ANKFN1: variants seen among roughly 807,000 people sequenced by gnomAD.
ANKFN1 encodes ankyrin repeat and fibronectin type III domain containing 1.
Under a neutral mutation model 108.7 loss-of-function variants are expected in ANKFN1, and 74 were observed. The ratio of observed to expected loss-of-function variants is 0.68; its 90% confidence interval spans 0.56 to 0.83. ANKFN1 has a LOEUF of 0.83. ANKFN1 is among the 40% of genes least tolerant of loss of function. ANKFN1 has a pLI of 0.00. For missense variants in ANKFN1, 1,505 were observed against 1,382.3 expected, an observed-to-expected ratio of 1.09 and a Z score of -1.41; for synonymous variants, 547 against 516.2, an observed-to-expected ratio of 1.06 and a Z score of -0.81.
At chr17:56,359,273 A>C (rs2046452515) in intron 6 of ANKFN1, among the ~76,000 whole-genome samples, 1 of 152,160 alleles carries the variant, frequency 6.6e-6, no homozygotes, top group Non-Finnish European at 1.5e-5. Flanking sequence ...AGGGAAAAAA[A>C]CCTTCAAGTC....
At chr17:56,048,217 G>A (rs1904712950) in intron 4 of ANKFN1, among the ~76,000 whole-genome samples, 2 of 151,420 alleles carry the variant, frequency 1.3e-5, no homozygotes, top group South Asian at 4.2e-4. Context: ...AATCTGTTTA[G>A]CAATTGTTGG....
chr17:56,091,212 A>G (rs1176865107), intron 4 of ANKFN1, among the ~76,000 whole-genome samples: 1 of 151,208 alleles, frequency 6.6e-6, no homozygotes, highest in Non-Finnish European at 1.5e-5. Context: ...CCAGCAAAGA[A>G]GTTGGTAAAT....
chr17:56,234,565 A>G (rs545457755), intron 3 of ANKFN1, among the ~76,000 whole-genome samples: 7 of 152,134 alleles, frequency 4.6e-5, no homozygotes, highest in African/African-American at 1.7e-4. Context: ...ATAAGTTCTC[A>G]TCATTTAGCT....
At position 56,317,127 on chromosome 17, in the gene ANKFN1, C is replaced by A. The variant is rs914522762; in HGVS notation, c.54-9094C>A. ...TTTTTTTCTTTGTGGCAGAGAAGTT[C>A]TTCTATGTGTTAAGTGCTCTATGGC... On this transcript the variant is annotated intron_variant, in intron 3 of 20. Coordinates refer to ENST00000682825, the MANE Select transcript of ANKFN1 (RefSeq NM_001370326.1). 3.3e-5 allele frequency among the ~76,000 whole-genome samples: 5 copies of A among 152,204 alleles called. No individual in the cohort carries two copies. The East Asian group carries it at 9.6e-4, about 29-fold the overall frequency.
intron 16 of ANKFN1, among the ~76,000 whole-genome samples, chr17:56,480,395 A>G (rs570755511): frequency 1.6e-4 from 25 of 152,304 alleles, no homozygotes; most frequent in African/African-American, 6.0e-4. Context: ...TTATTACAAA[A>G]TATTTGAGAA....
intron 3 of ANKFN1, chr17:56,252,243 A>C: frequency 6.6e-6 from 1 of 152,216 alleles, no homozygotes; most frequent in African/African-American, 2.4e-5. Context: ...GAAGACCTGG[A>C]GGTAATAAAG....
At chr17:56,325,921 GT>G (rs1338421034) in intron 3 of ANKFN1, among the ~76,000 whole-genome samples, 1 of 152,152 alleles carries the variant, frequency 6.6e-6, no homozygotes, top group Non-Finnish European at 1.5e-5. Flanking sequence ...ATTCAGTCTT[GT>G]TTACTATGTA....
At chr17:56,157,843 A>G (rs1909257755) in intron 1 of ANKFN1, among the ~76,000 whole-genome samples, 2 of 152,208 alleles carry the variant, frequency 1.3e-5, no homozygotes, top group African/African-American at 4.8e-5. Flanking sequence ...TGGAATCCGA[A>G]TTTTAGCTTT....
At chr17:56,217,806 C>T (rs1191863913) in intron 2 of ANKFN1, among the ~76,000 whole-genome samples, 3 of 152,050 alleles carry the variant, frequency 2.0e-5, no homozygotes, top group East Asian at 1.9e-4. Context: ...ACTTGTCTTT[C>T]CCCAGTTAAG....
chr17:56,293,710 C>A (rs2044430709), intron 3 of ANKFN1, among the ~76,000 whole-genome samples: 1 of 152,208 alleles, frequency 6.6e-6, no homozygotes. Flanking sequence ...GAAAGACTTT[C>A]TACTCTGAGA....
intron 4 of ANKFN1, among the ~76,000 whole-genome samples, chr17:56,332,576 A>G (rs969505125): frequency 7.9e-5 from 12 of 152,142 alleles, no homozygotes; most frequent in Non-Finnish European, 1.3e-4. Flanking sequence ...TTACCTTGAC[A>G]TCTTTTTCAG....
chr17:56,197,483 C>T (rs1913630502), intron 1 of ANKFN1, among the ~76,000 whole-genome samples: 1 of 152,174 alleles, frequency 6.6e-6, no homozygotes, highest in Non-Finnish European at 1.5e-5. Context: ...CTAGTGTATT[C>T]CTTTGTGTCT....
chr17:56,064,809 G>A (rs931902771), intron 4 of ANKFN1, among the ~76,000 whole-genome samples: 8 of 152,228 alleles, frequency 5.3e-5, no homozygotes, highest in Admixed American at 4.6e-4. Flanking sequence ...AGGATGTTGA[G>A]ACTCTGTGCG....
At chr17:56,100,081 A>G (rs902652131) in intron 4 of ANKFN1, among the ~76,000 whole-genome samples, 1 of 152,256 alleles carries the variant, frequency 6.6e-6, no homozygotes, top group Non-Finnish European at 1.5e-5. Context: ...TGAACCCCAC[A>G]GGCACTAATA....
intron 3 of ANKFN1, among the ~76,000 whole-genome samples, chr17:56,281,295 C>A (rs1253153428): frequency 6.6e-5 from 10 of 152,058 alleles, no homozygotes; most frequent in Non-Finnish European, 1.5e-4. Context: ...GTGCCAAAAT[C>A]ATTCAATCAG....
intron 1 of ANKFN1, chr17:56,174,121 G>A (rs1478176666): frequency 1.1e-6 from 1 of 934,698 alleles, no homozygotes; most frequent in African/African-American, 1.8e-5. Flanking sequence ...TTGACATTGT[G>A]GGTGGTGCAG....
At chr17:56,262,957 A>G (rs2043556714) in intron 3 of ANKFN1, among the ~76,000 whole-genome samples, 1 of 152,172 alleles carries the variant, frequency 6.6e-6, no homozygotes, top group African/African-American at 2.4e-5. Flanking sequence ...AACATTAAGC[A>G]GCTCTTGGAA....
chr17:56,481,429 G>A (rs571828963), intron 17 of ANKFN1, among the ~76,000 whole-genome samples: 3 of 152,090 alleles, frequency 2.0e-5, no homozygotes, highest in South Asian at 2.1e-4. Flanking sequence ...ACATGAGGTA[G>A]CATTATTTAA....
chr17:56,434,375 T>C (rs950310313), intron 8 of ANKFN1, among the ~76,000 whole-genome samples: 7 of 77,624 alleles, frequency 9.0e-5, no homozygotes, highest in African/African-American at 2.6e-4. Context: ...GCTTTTCTAG[T>C]GTCAAAAAAA....
Sources: gnomAD v4.1 joint callset for allele counts (sites outside exome capture counted in the v4.1 genomes callset) on GRCh38, gnomAD v4.1.1 for gene constraint, MANE v1.5 for transcripts, NCBI Gene and HGNC (gene_info 2026-07-23, HGNC 2026-07-21) for gene names.